Variants in AQP7 observed in about 807,000 individuals in gnomAD.
AQP7 encodes aquaporin 7, also known as aquaporin-7.
A neutral mutation model predicts 26.1 loss-of-function variants in AQP7; 22 were observed. That is an observed-to-expected ratio of 0.84 (90% CI 0.60 to 1.20). The LOEUF is 1.20. Among genes scored for constraint, AQP7 ranks in the 50% most tolerant of loss-of-function variants. AQP7 has a pLI of 0.00. For synonymous variants in AQP7, 167 were observed against 181.7 expected (o/e 0.92, Z 0.65); for missense variants, 412 against 457.5 (o/e 0.90, Z 0.91).
rs1331707300 is a variant in AQP7, at chr9:33,395,074, T to C, written c.144+4A>G. 6.4e-7 allele frequency: 1 copy of C among 1,554,756 alleles called. No homozygotes were observed. The highest frequency in any genetic ancestry group is 8.8e-7 in the Non-Finnish European group (1 of 1,132,886). On this transcript the variant is annotated splice_donor_region_variant and intron_variant, in intron 3 of 7. Coordinates refer to ENST00000297988, the MANE Select transcript of AQP7 (RefSeq NM_001170.3). ...CACCCACTTCGTGCTGCCCACCCACTCACCATCATGACATATGTGCTCATG... is the reference window on the plus strand; with the variant it reads ...CACCCACTTCGTGCTGCCCACCCACCCACCATCATGACATATGTGCTCATG...
intron 2 of AQP7, among the ~76,000 whole-genome samples, chr9:33,398,610 C>A (rs1191863536): frequency 2.0e-5 from 3 of 152,154 alleles, no homozygotes; most frequent in South Asian, 2.1e-4. Flanking sequence ...TAGGGCAGGT[C>A]CTGACTAGTG....
At chr9:33,401,604 C>T (rs1266119267) in intron 1 of AQP7, 6 of 393,344 alleles carry the variant, frequency 1.5e-5, no homozygotes, top group Non-Finnish European at 2.9e-5. Context: ...GCTCCAGCCT[C>T]ATATTTGCGT....
intron 3 of AQP7, 92 bp from the exon 4 acceptor site, chr9:33,387,184 G>C: frequency 5.7e-6 from 8 of 1,409,186 alleles, no homozygotes; most frequent in Non-Finnish European, 7.8e-6. Flanking sequence ...TCACCCCCAT[G>C]CCCTGGGCCT....
At chr9:33,397,691 G>A (rs1178440081) in intron 2 of AQP7, among the ~76,000 whole-genome samples, 1 of 152,140 alleles carries the variant, frequency 6.6e-6, no homozygotes, top group African/African-American at 2.4e-5. Flanking sequence ...GGAGCCCTGA[G>A]GAATGCTGCT....
In AQP7 at chr9:33,385,296, G is replaced by C; in HGVS notation, c.744-6C>G. The C allele has an allele frequency of 6.2e-7, 1 of 1,606,864 alleles. No individual in the cohort carries two copies. Among genetic ancestry groups the C allele is most frequent in the Admixed American group, 1.7e-5 (1 of 59,766 alleles). On this transcript the variant is annotated splice_region_variant and splice_polypyrimidine_tract_variant and intron_variant, in intron 7 of 7. Coordinates refer to ENST00000297988, the MANE Select transcript of AQP7 (RefSeq NM_001170.3). The stretch of plus-strand genomic sequence containing the variant: ...ACCACCAGTTCTCCCCATTGCTGCA[G>C]GCAAGAGGCAGAGGCCTGCTGAGGG...
chr9:33,394,758 A>C (rs1349933480), intron 3 of AQP7, among the ~76,000 whole-genome samples: 2 of 151,964 alleles, frequency 1.3e-5, no homozygotes, highest in Non-Finnish European at 2.9e-5. Flanking sequence ...TAAGCCTCCC[A>C]AAGTGCTGGA....
intron 3 of AQP7, among the ~76,000 whole-genome samples, chr9:33,390,027 CAAAAAAAAAAA>C (rs778333672): frequency 6.4e-5 from 5 of 78,628 alleles, no homozygotes; most frequent in East Asian, 4.8e-4. Context: ...GACTCCGTCT[CAAAAAAAAAAA>C]AAAAAAAAGA....
intron 2 of AQP7, among the ~76,000 whole-genome samples, chr9:33,397,088 G>A (rs1164626994): frequency 7.8e-5 from 10 of 128,568 alleles, no homozygotes; most frequent in African/African-American, 3.1e-4. Flanking sequence ...GTGACAGAGT[G>A]ACACCCTGTC....
At chr9:33,391,769 C>A (rs1025413842) in intron 3 of AQP7, among the ~76,000 whole-genome samples, 2 of 152,246 alleles carry the variant, frequency 1.3e-5, no homozygotes, top group African/African-American at 4.8e-5. Flanking sequence ...AACAACAACA[C>A]AATGTCCGAT....
rs79183089 is a variant in AQP7, at chr9:33,400,268, G to A, written c.26+969C>T. Among the ~76,000 whole-genome samples, 801 of 152,038 alleles carry A rather than the reference G, an allele frequency of 5.3e-3. 15 individuals are homozygous for A. The East Asian group carries it at 0.062, about 12-fold the overall frequency. On this transcript the variant is annotated intron_variant, in intron 2 of 7. Coordinates refer to ENST00000297988, the MANE Select transcript of AQP7 (RefSeq NM_001170.3). The stretch of plus-strand genomic sequence containing the variant: ...TATAAGCGAAGGTACCAGCTCCTAC[G>A]GAAAAAAACAGAGCAAGGAGAGGGG...
At chr9:33,392,441 C>G (rs1453470273) in intron 3 of AQP7, among the ~76,000 whole-genome samples, 4 of 152,048 alleles carry the variant, frequency 2.6e-5, no homozygotes. Context: ...ACCTACTTCA[C>G]AGGGCTATTG....
At position 33,386,998 on chromosome 9, in the gene AQP7, A is replaced by G. The variant is rs767509430; in HGVS notation, c.239T>C (p.Met80Thr). The G allele has an allele frequency of 1.9e-6, 3 of 1,611,888 alleles. No individual in the cohort carries two copies. Among genetic ancestry groups the G allele is most frequent in the Admixed American group, 3.3e-5 (2 of 60,000 alleles). The change falls in exon 4 of 8, where the codon ATG (methionine) becomes ACG (threonine). Residue 80 changes from methionine to threonine, a missense_variant. Transcript: ENST00000297988. The part of the protein sequence containing the change: ...VNLGFGFGVT[M>T]GVHVAGRISG... ...GATGCGGCCTGCCACGTGCACTCCC[A>G]TGGTGACTCCGAAGCCAAAACCCAA...
rs1174969247 is a variant in AQP7 at position 33,385,739 on chromosome 9, C to A, written c.653G>T (p.Gly218Val). The change falls in exon 7 of 8, where the codon GGC becomes GTC. Residue 218 changes from glycine to valine, a missense_variant. Physicochemically the swap from Gly to Val is moderately radical, Grantham distance 109. Transcript: ENST00000297988. ...GTTGATGGCATATCCTGTGTTCATG[C>A]CAAGGGACACCCCGATGATGACCAC... The part of the protein sequence containing the change: ...ILVVIIGVSL[G>V]MNTGYAINPS... The A allele has an allele frequency of 6.2e-7, 1 of 1,613,926 alleles. No homozygotes were observed. Among genetic ancestry groups the A allele is most frequent in the African/African-American group, 1.3e-5 (1 of 75,048 alleles).
intron 3 of AQP7, among the ~76,000 whole-genome samples, chr9:33,394,780 G>T (rs1825710342): frequency 1.3e-5 from 2 of 152,096 alleles, no homozygotes; most frequent in South Asian, 4.1e-4. Context: ...TTACAGGCAT[G>T]AGCCACCGCA....
At chr9:33,388,645 T>G (rs1465448249) in intron 3 of AQP7, among the ~76,000 whole-genome samples, 5 of 152,230 alleles carry the variant, frequency 3.3e-5, no homozygotes, top group African/African-American at 1.2e-4. Context: ...CTTTAACCCT[T>G]AACACCAATC....
At position 33,383,507 on chromosome 9, in the gene AQP7, C is replaced by T. The variant is rs1587074166; in HGVS notation, c.*1498G>A. On this transcript the variant is annotated 3_prime_UTR_variant, in exon 8 of 8. Transcript: ENST00000297988. ...CTCCCTCTCCCTCACCCACTCCATCCAAATGGAACCCAAGTCCTGTACATT... is the reference window on the plus strand; with the variant it reads ...CTCCCTCTCCCTCACCCACTCCATCTAAATGGAACCCAAGTCCTGTACATT... 2.0e-5 allele frequency: 3 copies of T among 152,438 alleles called. 1 individual carries two copies. The Middle Eastern group carries it at 0.01, about 518-fold the overall frequency. The allele number at this position is 152,438 out of a possible 1,614,324, so 9.4% of individuals were successfully genotyped here.
chr9:33,390,472 TAA>T (rs72343275), intron 3 of AQP7, among the ~76,000 whole-genome samples: 7 of 143,174 alleles, frequency 4.9e-5, no homozygotes, highest in African/African-American at 1.0e-4. Flanking sequence ...TTTGCTGATT[TAA>T]AAAAAAAAAA....
intron 3 of AQP7, among the ~76,000 whole-genome samples, chr9:33,390,265 A>C (rs2118808483): frequency 6.6e-6 from 1 of 152,110 alleles, no homozygotes; most frequent in South Asian, 2.1e-4. Flanking sequence ...GGACAGAGTA[A>C]AGTACCTGAA....
At position 33,386,964 on chromosome 9, in the gene AQP7, C is replaced by T. The variant is rs765328535; in HGVS notation, c.268+5G>A. On this transcript the variant is annotated splice_donor_5th_base_variant and intron_variant, in intron 4 of 7. Coordinates refer to ENST00000297988, the MANE Select transcript of AQP7 (RefSeq NM_001170.3). ...CCCGGTCCGGCAGGGCCTGGGCTCA[C>T]TCACCAGAGATGCGGCCTGCCACGT... 7.4e-6 allele frequency: 12 copies of T among 1,611,934 alleles called. No individual in the cohort carries two copies. Among genetic ancestry groups the T allele is most frequent in the African/African-American group, 1.3e-5 (1 of 74,994 alleles).
Sources: gnomAD v4.1 joint callset for allele counts (sites outside exome capture counted in the v4.1 genomes callset) on GRCh38, gnomAD v4.1.1 for gene constraint, MANE v1.5 for transcripts, NCBI Gene and HGNC (gene_info 2026-07-23, HGNC 2026-07-21) for gene names.